CCDC149: variants seen among roughly 807,000 people sequenced by gnomAD.
CCDC149 encodes coiled-coil domain-containing protein 149.
In CCDC149, 45 loss-of-function variants were observed where a neutral mutation model predicts 59.9. The observed-to-expected ratio is 0.75, with a 90% confidence interval of 0.59 to 0.96. CCDC149 has a LOEUF of 0.96. Among genes scored for constraint, CCDC149 ranks in the 40% least tolerant of loss-of-function variants. CCDC149 has a pLI of 0.00. For synonymous variants in CCDC149, 245 were observed against 260.6 expected (o/e 0.94, Z 0.58); for missense variants, 584 against 664.7 (o/e 0.88, Z 1.33).
intron 3 of CCDC149, among the ~76,000 whole-genome samples, chr4:24,866,128 T>A (rs1431690267): frequency 6.6e-6 from 1 of 152,142 alleles, no homozygotes; most frequent in African/African-American, 2.4e-5. Context: ...CAAGGAGACT[T>A]TTTATGGAAA....
chr4:24,947,821 A>T (rs1384205878), intron 1 of CCDC149, among the ~76,000 whole-genome samples: 2 of 141,982 alleles, frequency 1.4e-5, no homozygotes, highest in African/African-American at 2.8e-5. Context: ...AAAAAGAAGG[A>T]GGATTTTTTT....
intron 4 of CCDC149, among the ~76,000 whole-genome samples, chr4:24,851,407 C>T (rs113709921): frequency 0.011 from 1,696 of 152,288 alleles, 39 homozygotes; most frequent in African/African-American, 0.038. Flanking sequence ...GGACTACAAG[C>T]GCGTGCCACC....
intron 2 of CCDC149, among the ~76,000 whole-genome samples, chr4:24,875,050 T>C (rs1719323346): frequency 6.6e-6 from 1 of 152,242 alleles, no homozygotes; most frequent in Admixed American, 6.5e-5. Context: ...GGCTCATGCC[T>C]GTAATCCCAG....
In CCDC149 at chr4:24,853,157, C is replaced by T. The variant is rs1386994311; in HGVS notation, c.287G>A (p.Arg96Lys). The stretch of plus-strand genomic sequence containing the variant: ...ATGTTTATTTCGGTCCTGAGAATCT[C>T]TCAATAGTTGTGCAAGATTAGCCTA... Residue 96 changes from arginine (R) to lysine (K), a missense_variant, in exon 4 of 13, where the codon AGA (arginine) becomes AAA (lysine). By Grantham distance (26) the Arg-to-Lys change is conservative (BLOSUM62 2). Coordinates refer to ENST00000635206, the MANE Select transcript of CCDC149 (RefSeq NM_001330643.2). The T allele has an allele frequency of 6.2e-7, 1 of 1,612,450 alleles. No homozygotes were observed. The highest frequency in any genetic ancestry group is 8.5e-7 in the Non-Finnish European group (1 of 1,178,624).
At chr4:24,962,204 G>A (rs1246349609) in intron 1 of CCDC149, among the ~76,000 whole-genome samples, 1 of 152,182 alleles carries the variant, frequency 6.6e-6, no homozygotes, top group Non-Finnish European at 1.5e-5. Flanking sequence ...AAAGACCCAT[G>A]AAAAAATGCT....
chr4:24,959,183 C>T lies in CCDC149; in HGVS notation c.-65+20886G>A, dbSNP rs554711184. On this transcript the variant is annotated intron_variant, in intron 1 of 12. Coordinates refer to the CCDC149 transcript ENST00000389609. ...TGGAGATGGTGTTTCACCATGTTAG[C>T]CAGGATGGTCACAATCTCCTGACCT... Among the ~76,000 whole-genome samples, 8 of 152,264 alleles carry T rather than the reference C, an allele frequency of 5.3e-5. No homozygotes were observed. In the East Asian group the frequency reaches 1.6e-3, roughly 30 times the overall value.
At chr4:24,888,927 T>A (rs1475385637) in intron 1 of CCDC149, among the ~76,000 whole-genome samples, 10 of 151,172 alleles carry the variant, frequency 6.6e-5, no homozygotes, top group Non-Finnish European at 1.3e-4. Flanking sequence ...TTTTTTTTTT[T>A]ATGATCTATC....
intron 1 of CCDC149, among the ~76,000 whole-genome samples, chr4:24,939,645 G>GA (rs895125770): frequency 6.6e-5 from 10 of 151,172 alleles, no homozygotes; most frequent in South Asian, 2.1e-4. Context: ...TAAAAACGTT[G>GA]AAAAAAAAAT....
chr4:24,906,397 T>TTTATTTTATTTTATTTTATTTTA (rs1721528844), intron 1 of CCDC149, among the ~76,000 whole-genome samples: 1 of 38,718 alleles, frequency 2.6e-5, no homozygotes, highest in African/African-American at 6.2e-5. Flanking sequence ...TTTATTTTAT[T>TTTATTTTATTTTATTTTATTTTA]TTATTTTATT....
At chr4:24,846,788 G>T (rs1717314889) in intron 4 of CCDC149, among the ~76,000 whole-genome samples, 1 of 152,144 alleles carries the variant, frequency 6.6e-6, no homozygotes, top group Admixed American at 6.5e-5. Flanking sequence ...GCCAGCAGGG[G>T]CCCAGGAAGT....
At chr4:24,856,107 G>A (rs1239550277) in intron 3 of CCDC149, among the ~76,000 whole-genome samples, 8 of 152,184 alleles carry the variant, frequency 5.3e-5, no homozygotes, top group South Asian at 2.1e-4. Context: ...TGCCCACTCC[G>A]TGGTTGCTAC....
chr4:24,938,803 C>A (rs1333778416), intron 1 of CCDC149, among the ~76,000 whole-genome samples: 2 of 152,214 alleles, frequency 1.3e-5, no homozygotes, highest in African/African-American at 4.8e-5. Flanking sequence ...ATTGTTAGCA[C>A]AGCAGTCTGA....
intron 1 of CCDC149, among the ~76,000 whole-genome samples, chr4:24,939,576 T>G (rs1361317768): frequency 1.3e-5 from 2 of 152,062 alleles, no homozygotes; most frequent in East Asian, 3.9e-4. Context: ...AGAGAAAGGC[T>G]TCAGAAGATC....
intron 4 of CCDC149, among the ~76,000 whole-genome samples, chr4:24,851,009 T>G (rs2109178592): frequency 6.6e-6 from 1 of 152,198 alleles, no homozygotes; most frequent in Non-Finnish European, 1.5e-5. Context: ...ATGGGGAGGT[T>G]TGCTGAACAA....
At chr4:24,930,025 G>A (rs1261910361) in intron 1 of CCDC149, among the ~76,000 whole-genome samples, 1 of 152,140 alleles carries the variant, frequency 6.6e-6, no homozygotes, top group African/African-American at 2.4e-5. Flanking sequence ...GTTTATCAAA[G>A]CCTGCTATGA....
intron 4 of CCDC149, among the ~76,000 whole-genome samples, chr4:24,843,174 C>T (rs1334416628): frequency 6.6e-6 from 1 of 152,222 alleles, no homozygotes; most frequent in African/African-American, 2.4e-5. Context: ...TTTCAAAGTG[C>T]AATCCCCAGT....
chr4:24,933,185 C>A lies in CCDC149; in HGVS notation c.-64-38067G>T, dbSNP rs144642938. Among the ~76,000 whole-genome samples the A allele has an allele frequency of 3.5e-3, 526 of 152,232 alleles. 2 individuals carry two copies. Among genetic ancestry groups the A allele is most frequent in the African/African-American group, 0.012 (510 of 41,516 alleles). ...ATCAGCCCCTGCTTGCATGTGCTAT[C>A]CTAAAAGTGAGGACTTGTATGTACT... On this transcript the variant is annotated intron_variant, in intron 1 of 12. Transcript: ENST00000389609.
intron 1 of CCDC149, among the ~76,000 whole-genome samples, chr4:24,891,171 C>T (rs1342105483): frequency 1.3e-5 from 2 of 152,202 alleles, no homozygotes; most frequent in African/African-American, 2.4e-5. Context: ...CTATCCTTAA[C>T]AAGAACTGTC....
chr4:24,880,418 A>G (rs984479169), intron 1 of CCDC149, among the ~76,000 whole-genome samples: 1 of 152,220 alleles, frequency 6.6e-6, no homozygotes, highest in African/African-American at 2.4e-5. Flanking sequence ...TCATTAAGTG[A>G]CACATGACTG....
Sources: allele counts gnomAD v4.1 joint callset (sites outside exome capture counted in the v4.1 genomes callset), GRCh38; gene constraint gnomAD v4.1.1; transcripts MANE v1.5; gene names NCBI Gene and HGNC (gene_info 2026-07-23, HGNC 2026-07-21).